Variants in PCDHGA4 observed in about 807,000 individuals in gnomAD.
PCDHGA4 encodes the protein protocadherin gamma-A4.
Under a neutral mutation model 54.6 loss-of-function variants are expected in PCDHGA4, and 38 were observed. The observed-to-expected ratio is 0.70, with a 90% CI of 0.54 to 0.91. The LOEUF (loss-of-function observed/expected upper bound fraction) is 0.91, where lower values mean the gene tolerates loss of function less well. PCDHGA4 is among the 40% of genes least tolerant of loss of function. The pLI is 0.00. For missense variants in PCDHGA4, 1,298 were observed against 1,220.9 expected (o/e 1.06, Z -0.94); for synonymous variants, 511 against 512.9 (o/e 1.00, Z 0.05).
chr5:141,361,114 C>A, intron 1 of PCDHGA4: 1 of 1,613,990 alleles, frequency 6.2e-7, no homozygotes, highest in Non-Finnish European at 8.5e-7. Context: ...TCCTGGAGAT[C>A]TAGCAGCCCA....
chr5:141,357,337 G>C lies in PCDHGA4; in HGVS notation c.2230G>C (p.Ala744Pro). The stretch of plus-strand genomic sequence containing the variant: ...CCTGGCTTTTGTCACGGTGCTGCTA[G>C]CACTCAAGCTGAGACGCTGGCACAA... ...VFLAFVTVLL[A>P]LKLRRWHKSR... The change falls in exon 1 of 4, where the codon GCA becomes CCA. Residue 744 changes from alanine to proline, a missense_variant. Coordinates refer to ENST00000571252, the MANE Select transcript of PCDHGA4 (RefSeq NM_018917.4). 1.2e-6 allele frequency: 2 copies of C among 1,614,118 alleles called. No homozygotes were observed. Among genetic ancestry groups the C allele is most frequent in the South Asian group, 1.1e-5 (1 of 91,088 alleles).
chr5:141,380,058 C>G (rs1231461261), intron 1 of PCDHGA4, among the ~76,000 whole-genome samples: 1 of 151,888 alleles, frequency 6.6e-6, no homozygotes, highest in Non-Finnish European at 1.5e-5. Flanking sequence ...TGCCACCATG[C>G]CTAGCTAATT....
Position 141,357,443 on chromosome 5 carries a change from C to T in PCDHGA4, c.2336C>T (p.Ala779Val), listed in dbSNP as rs1161118434. The T allele has an allele frequency of 1.2e-6, 2 of 1,614,104 alleles. No individual in the cohort carries two copies. Among genetic ancestry groups the T allele is most frequent in the African/African-American group, 1.3e-5 (1 of 74,956 alleles). ...TTTGTGGGCGTGGACGGGGTTCGGG[C>T]TTTCCTGCAGACCTATTCCCACGAG... ...SHFVGVDGVR[A>V]FLQTYSHEVS... The change falls in exon 1 of 4, where the codon GCT becomes GTT. Residue 779 changes from alanine (A) to valine (V), a missense_variant. Physicochemically the swap from Ala to Val is moderately conservative, Grantham distance 64. Transcript: ENST00000571252.
intron 1 of PCDHGA4, chr5:141,360,515 A>G (rs761181928): frequency 6.2e-7 from 1 of 1,613,898 alleles, no homozygotes. Flanking sequence ...CAGGATATAA[A>G]TGATAATACC....
chr5:141,483,779 A>G (rs1259583177), intron 1 of PCDHGA4, among the ~76,000 whole-genome samples: 2 of 152,146 alleles, frequency 1.3e-5, no homozygotes, highest in Non-Finnish European at 2.9e-5. Context: ...TTGGGGAAGG[A>G]TAAGAACTCC....
Position 141,357,142 on chromosome 5 carries a change from G to C in PCDHGA4, c.2035G>C (p.Asp679His), listed in dbSNP as rs1286381573. Residue 679 changes from aspartate (D) to histidine (H), a missense_variant, in exon 1 of 4, where the codon GAC (aspartate) becomes CAC (histidine). Asp to His is a moderately conservative substitution (Grantham distance 81). Transcript: ENST00000571252. ...LKQRLVVVVQ[D>H]HGQPPLSATV... ...GCAGAGGCTTGTAGTGGTCGTCCAG[G>C]ACCATGGCCAGCCCCCTCTCTCGGC... 2 of 1,613,582 alleles carry C rather than the reference G, an allele frequency of 1.2e-6. No individual in the cohort carries two copies. The highest frequency in any genetic ancestry group is 1.6e-4 in the Middle Eastern group (1 of 6,062).
chr5:141,477,571 C>T lies in PCDHGA4; in HGVS notation c.2515-17236C>T, dbSNP rs1470454976. The T allele has an allele frequency of 8.1e-6, 13 of 1,614,160 alleles. No individual in the cohort carries two copies. Among genetic ancestry groups the T allele is most frequent in the Middle Eastern group, 1.7e-4 (1 of 6,060 alleles). ...TAAACCTAAGTGTCTGGGACCCCGACGCCCCGCAGAATGCTCGGCTTTCTT... is the reference window on the plus strand; with the variant it reads ...TAAACCTAAGTGTCTGGGACCCCGATGCCCCGCAGAATGCTCGGCTTTCTT... On this transcript the variant is annotated intron_variant, in intron 1 of 3. Transcript: ENST00000571252. This position sits in a 1 kb window ranked among gnomAD's most constrained non-coding sequence, Gnocchi z 4.9.
Position 141,477,483 on chromosome 5 carries a change from A to G in PCDHGA4, c.2515-17324A>G. The G allele has an allele frequency of 6.2e-7, 1 of 1,614,028 alleles. No individual in the cohort carries two copies. On this transcript the variant is annotated intron_variant, in intron 1 of 3. Coordinates refer to ENST00000571252, the MANE Select transcript of PCDHGA4 (RefSeq NM_018917.4). The surrounding 1 kb of genome is among the most constrained non-coding windows in gnomAD (Gnocchi z 4.9). ...TCCGACATCAATGACAACCCTCCAC[A>G]ATCTTCTCAATCTTCCTACGACGTT...
chr5:141,419,177 C>G (rs1223789288), intron 1 of PCDHGA4: 3 of 1,613,980 alleles, frequency 1.9e-6, no homozygotes, highest in Non-Finnish European at 2.5e-6. Flanking sequence ...AACCATAACC[C>G]TGCACATTAC....
At chr5:141,456,220 T>C (rs965297694) in intron 1 of PCDHGA4, among the ~76,000 whole-genome samples, 1 of 152,098 alleles carries the variant, frequency 6.6e-6, no homozygotes, top group Admixed American at 6.6e-5. Context: ...TGTGGCGATA[T>C]CAAACTAACT....
intron 1 of PCDHGA4, chr5:141,384,810 C>G: frequency 6.2e-7 from 1 of 1,613,420 alleles, no homozygotes; most frequent in Non-Finnish European, 8.5e-7. Flanking sequence ...ACAGAGATGC[C>G]CTCAAGCAGA....
In PCDHGA4 at chr5:141,431,023, C is replaced by T. The variant is rs374655655; in HGVS notation, c.2515-63784C>T. 1 of 1,613,748 alleles carries T rather than the reference C, an allele frequency of 6.2e-7. No homozygotes were observed. On this transcript the variant is annotated intron_variant, in intron 1 of 3. Coordinates refer to ENST00000571252, the MANE Select transcript of PCDHGA4 (RefSeq NM_018917.4). This position sits in a 1 kb window ranked among gnomAD's most constrained non-coding sequence, Gnocchi z 4.8. Reference sequence around the variant, plus strand: ...GCAGCGGCAGCTTGGTCACGGCGGGCAGGATAGACCGGGAGGAGCTCTGTA... The same window carrying T: ...GCAGCGGCAGCTTGGTCACGGCGGGTAGGATAGACCGGGAGGAGCTCTGTA...
chr5:141,413,461 C>T, intron 1 of PCDHGA4: 2 of 1,614,082 alleles, frequency 1.2e-6, no homozygotes, highest in Non-Finnish European at 1.7e-6. Context: ...CAGGATAGAC[C>T]GGGAGGAGCT....
At position 141,357,275 on chromosome 5, in the gene PCDHGA4, A is replaced by G. The variant is rs1164189743; in HGVS notation, c.2168A>G (p.Tyr723Cys). The part of the protein sequence containing the change: ...ADPDDSGLTL[Y>C]LVVAVAAVSC... ...CCAGACGACTCGGGCCTCACACTCT[A>G]TCTCGTGGTGGCAGTGGCCGCTGTC... Residue 723 changes from tyrosine to cysteine, a missense_variant, in exon 1 of 4, where the codon TAT (tyrosine) becomes TGT (cysteine). Tyr to Cys is a radical substitution (Grantham distance 194). Transcript: ENST00000571252. The G allele has an allele frequency of 1.9e-6, 3 of 1,613,272 alleles. No homozygotes were observed. The highest frequency in any genetic ancestry group is 2.2e-5 in the East Asian group (1 of 44,868).
Position 141,490,888 on chromosome 5 carries a change from C to G in PCDHGA4, c.2515-3919C>G. The G allele has an allele frequency of 1.2e-6, 2 of 1,613,358 alleles. No individual in the cohort carries two copies. The highest frequency in any genetic ancestry group is 1.7e-6 in the Non-Finnish European group (2 of 1,179,390). On this transcript the variant is annotated intron_variant, in intron 1 of 3. Transcript: ENST00000571252. This position sits in a 1 kb window ranked among gnomAD's most constrained non-coding sequence, Gnocchi z 5.4. Reference sequence around the variant, plus strand: ...TCCCCCATTGCATGCCAACACATCTCTGCATGTGTTTGTCCTAGACGAGAA... The same window carrying G: ...TCCCCCATTGCATGCCAACACATCTGTGCATGTGTTTGTCCTAGACGAGAA...
intron 2 of PCDHGA4, among the ~76,000 whole-genome samples, chr5:141,496,505 A>G (rs1166234572): frequency 1.3e-5 from 2 of 152,144 alleles, no homozygotes; most frequent in Non-Finnish European, 2.9e-5. Flanking sequence ...TGTTGCCACA[A>G]GGACCCAGGA....
At chr5:141,372,253 GC>G in intron 1 of PCDHGA4, 1 of 1,613,158 alleles carries the variant, frequency 6.2e-7, no homozygotes, top group Non-Finnish European at 8.5e-7. Flanking sequence ...TTCAGCCTGG[GC>G]CTGCGCACGG....
At chr5:141,403,748 G>A in intron 1 of PCDHGA4, 1 of 1,613,956 alleles carries the variant, frequency 6.2e-7, no homozygotes, top group East Asian at 2.2e-5. Context: ...TACTGCAACA[G>A]CCAGCGACCT....
intron 1 of PCDHGA4, chr5:141,388,273 C>G: frequency 6.3e-7 from 1 of 1,597,470 alleles, no homozygotes; most frequent in East Asian, 2.3e-5. Context: ...AATGACCACA[C>G]GCCAAAATTC....
Sources: allele counts gnomAD v4.1 joint callset (sites outside exome capture counted in the v4.1 genomes callset), GRCh38; gene constraint gnomAD v4.1.1; non-coding constraint Gnocchi (gnomAD v3.1); transcripts MANE v1.5; gene names NCBI Gene and HGNC (gene_info 2026-07-23, HGNC 2026-07-21).